The following TRAM2 variants were observed in gnomAD, a reference collection of about 807,000 sequenced individuals.
The protein encoded by TRAM2 is translocation associated membrane protein 2.
TRAM2 carries 12 observed loss-of-function variants against 51.0 expected under a neutral mutation model. The ratio of observed to expected loss-of-function variants is 0.24; its 90% CI spans 0.15 to 0.38. TRAM2 has a LOEUF of 0.38. Among genes scored for constraint, TRAM2 ranks in the 10% least tolerant of loss-of-function variants. The probability of loss-of-function intolerance (pLI) is 1.00; values close to 1 mark genes in which losing one functional copy is unlikely to be tolerated. For missense variants in TRAM2, 361 were observed against 462.0 expected (o/e 0.78, Z 2.00); for synonymous variants, 175 against 179.4 (o/e 0.98, Z 0.20).
chr6:52,564,726 T>C (rs780307662), intron 1 of TRAM2, among the ~76,000 whole-genome samples: 1 of 152,142 alleles, frequency 6.6e-6, no homozygotes, highest in Non-Finnish European at 1.5e-5. Context: ...CCTTTATCCC[T>C]AGCCCCAAGA....
At chr6:52,535,318 C>G (rs1766960440) in intron 2 of TRAM2, among the ~76,000 whole-genome samples, 1 of 152,164 alleles carries the variant, frequency 6.6e-6, no homozygotes, top group Non-Finnish European at 1.5e-5. Flanking sequence ...GAGGGAAGTT[C>G]TTAGCGGTTA....
At chr6:52,546,145 C>A (rs1432388693) in intron 1 of TRAM2, among the ~76,000 whole-genome samples, 3 of 152,050 alleles carry the variant, frequency 2.0e-5, no homozygotes, top group East Asian at 1.9e-4. Context: ...GCTGAAGAGG[C>A]AAACAGGAGG....
rs998464214 is a variant in TRAM2 at position 52,498,899 on chromosome 6, C to T, written c.*4298G>A. On this transcript the variant is annotated 3_prime_UTR_variant, in exon 11 of 11. Transcript: ENST00000182527. ...TAAGGCACTTATTCTCACACACAGG[C>T]GCACGCACGCAATCTGCTTGGGACA... The T allele has an allele frequency of 3.3e-5, 5 of 152,612 alleles. No homozygotes were observed. The highest frequency in any genetic ancestry group is 1.2e-4 in the African/African-American group (5 of 41,494). The allele number at this position is 152,612 out of a possible 1,614,324, so 9.5% of individuals were successfully genotyped here. A position where few individuals can be genotyped will look rare whatever the true frequency, so the allele number is the denominator to read the frequency against.
intron 1 of TRAM2, among the ~76,000 whole-genome samples, chr6:52,546,968 A>C (rs1383339055): frequency 1.3e-5 from 2 of 152,144 alleles, no homozygotes; most frequent in East Asian, 1.9e-4. Context: ...GAATGTGTGA[A>C]GTGTCCATCA....
intron 1 of TRAM2, among the ~76,000 whole-genome samples, chr6:52,575,775 G>A (rs761677085): frequency 2.0e-5 from 3 of 152,198 alleles, no homozygotes; most frequent in African/African-American, 7.2e-5. Context: ...GGAGTCTCAG[G>A]AACCAGAGGA....
At chr6:52,506,002 A>G in intron 8 of TRAM2, 30 bp downstream of exon 8, 3 of 1,610,768 alleles carry the variant, frequency 1.9e-6, no homozygotes, top group Non-Finnish European at 2.5e-6. Context: ...CAGGCCTCTA[A>G]GCGGGCCAGC....
chr6:52,526,188 C>G (rs180952523), intron 2 of TRAM2, among the ~76,000 whole-genome samples: 3 of 120,754 alleles, frequency 2.5e-5, no homozygotes, highest in Admixed American at 1.6e-4. Context: ...CACACACACA[C>G]ACACACACAC....
intron 1 of TRAM2, among the ~76,000 whole-genome samples, chr6:52,566,739 C>A (rs1767596523): frequency 6.6e-6 from 1 of 152,208 alleles, no homozygotes; most frequent in Non-Finnish European, 1.5e-5. Context: ...AAAGGACGGA[C>A]TATTCTATTG....
intron 1 of TRAM2, among the ~76,000 whole-genome samples, chr6:52,554,738 G>A (rs1767372867): frequency 6.7e-6 from 1 of 149,772 alleles, no homozygotes; most frequent in Admixed American, 6.7e-5. Flanking sequence ...CTAGAAGTAA[G>A]AAGTTACATT....
At position 52,563,736 on chromosome 6, in the gene TRAM2, G is replaced by A. The variant is rs78965440; in HGVS notation, c.120+13060C>T. 5.5e-3 allele frequency among the ~76,000 whole-genome samples: 841 copies of A among 151,550 alleles called. 58 individuals are homozygous for A. In the East Asian group the frequency reaches 0.15, roughly 26 times the overall value. On this transcript the variant is annotated intron_variant, in intron 1 of 10. Coordinates refer to ENST00000182527, the MANE Select transcript of TRAM2 (RefSeq NM_012288.4). Reference sequence around the variant, plus strand: ...AAAAAAAGTGGTTACTTGGGGACAGGGGAGCTAGATGAGAACAGGTGGGGA... The same window carrying A: ...AAAAAAAGTGGTTACTTGGGGACAGAGGAGCTAGATGAGAACAGGTGGGGA...
At chr6:52,554,390 C>T (rs1363592789) in intron 1 of TRAM2, among the ~76,000 whole-genome samples, 2 of 151,716 alleles carry the variant, frequency 1.3e-5, no homozygotes, top group African/African-American at 2.4e-5. Flanking sequence ...CGTGGTGGTG[C>T]GTGTCTGTAA....
rs1198969843 is a variant in TRAM2 at position 52,500,739 on chromosome 6, C to G, written c.*2458G>C. ...GGACAGAGCAATGGAAACCTACAGG[C>G]ATGAGAATGAGGGTTGCTTGATGGC... is the stretch of plus-strand genomic sequence containing the variant. On this transcript the variant is annotated 3_prime_UTR_variant, in exon 11 of 11. Transcript: ENST00000182527. The G allele has an allele frequency of 6.6e-6, 1 of 152,212 alleles. No homozygotes were observed. Among genetic ancestry groups the G allele is most frequent in the Non-Finnish European group, 1.5e-5 (1 of 68,058 alleles). The allele number at this position is 152,212 out of a possible 1,614,324, so 9.4% of individuals were successfully genotyped here. A position where few individuals can be genotyped will look rare whatever the true frequency, so the allele number is the denominator to read the frequency against.
At chr6:52,572,375 G>A (rs1231097042) in intron 1 of TRAM2, among the ~76,000 whole-genome samples, 1 of 152,226 alleles carries the variant, frequency 6.6e-6, no homozygotes, top group Non-Finnish European at 1.5e-5. Context: ...AGGCCAAGGT[G>A]GGCGGATCAC....
In TRAM2 at chr6:52,535,795, C is replaced by T. The variant is rs537957321; in HGVS notation, c.172G>A (p.Val58Met). 5.6e-5 allele frequency: 90 copies of T among 1,613,824 alleles called. No individual in the cohort carries two copies. The highest frequency in any genetic ancestry group is 6.8e-5 in the Non-Finnish European group (80 of 1,179,772). The change falls in exon 2 of 11, where the codon GTG becomes ATG. Residue 58 changes from valine to methionine, a missense_variant. Transcript: ENST00000182527. The stretch of plus-strand genomic sequence containing the variant: ...CAGTGATTCTTACCTGCTGTAGGCA[C>T]GCTAATGTTATACTGAGGTAAAATA... ...LFILPQYNIS[V>M]PTADSETVHY...
Position 52,576,751 on chromosome 6 carries a change from A to G in TRAM2, c.120+45T>C, listed in dbSNP as rs368772665. 7.5e-6 allele frequency: 12 copies of G among 1,601,590 alleles called. No homozygotes were observed. The African/African-American group carries it at 8.0e-5, about 11-fold the overall frequency. On this transcript the variant is annotated intron_variant, in intron 1 of 10. Coordinates refer to ENST00000182527, the MANE Select transcript of TRAM2 (RefSeq NM_012288.4). ...GCAGGGGTGTGCCGGGCGGTGCACG[A>G]CAGGGGGCACTGTCCCTCCAGCTCC... is the stretch of plus-strand genomic sequence containing the variant.
intron 1 of TRAM2, among the ~76,000 whole-genome samples, chr6:52,559,023 T>C (rs914641268): frequency 5.3e-5 from 8 of 152,186 alleles, no homozygotes; most frequent in East Asian, 1.9e-4. Context: ...GACAAGAAGA[T>C]GGCATTTCAC....
chr6:52,560,595 G>A (rs16882730), intron 1 of TRAM2, among the ~76,000 whole-genome samples: 16,309 of 152,242 alleles, frequency 0.11, 1,495 homozygotes, highest in East Asian at 0.49. Context: ...GAAGTCTGCC[G>A]TTAGAGCAGG....
At chr6:52,504,326 C>T (rs939897072) in intron 10 of TRAM2, among the ~76,000 whole-genome samples, 4 of 152,204 alleles carry the variant, frequency 2.6e-5, no homozygotes, top group Non-Finnish European at 5.9e-5. Context: ...TGCCAGAGTT[C>T]CCCACCCAGC....
intron 1 of TRAM2, among the ~76,000 whole-genome samples, chr6:52,552,616 C>G (rs1356519579): frequency 3.3e-5 from 5 of 152,204 alleles, no homozygotes; most frequent in Non-Finnish European, 7.3e-5. Flanking sequence ...CTTCCCCATG[C>G]TTCTGTGACA....
Sources: gnomAD v4.1 joint callset for allele counts (sites outside exome capture counted in the v4.1 genomes callset) on GRCh38, gnomAD v4.1.1 for gene constraint, MANE v1.5 for transcripts, NCBI Gene and HGNC (gene_info 2026-07-23, HGNC 2026-07-21) for gene names.